B3GALT1: variants seen among roughly 807,000 people sequenced by gnomAD.
B3GALT1 encodes beta-1,3-galactosyltransferase 1, also known as UDP-Gal:betaGlcNAc beta 1,3-galactosyltransferase, polypeptide 1.
B3GALT1 carries 10 observed loss-of-function variants against 23.2 expected under a neutral mutation model. That is an observed-to-expected ratio of 0.43 (90% CI 0.27 to 0.73). The LOEUF (loss-of-function observed/expected upper bound fraction) is 0.73, where lower values mean the gene tolerates loss of function less well. Among genes scored for constraint, B3GALT1 ranks in the 30% least tolerant of loss-of-function variants. The pLI is 0.21. For synonymous variants in B3GALT1, 156 were observed against 141.5 expected (o/e 1.10, Z -0.73); for missense variants, 299 against 405.4 (o/e 0.74, Z 2.25).
At chr2:167,553,059 T>C (rs1333321843) in intron 2 of B3GALT1, among the ~76,000 whole-genome samples, 3 of 152,196 alleles carry the variant, frequency 2.0e-5, no homozygotes, top group Non-Finnish European at 2.9e-5. Context: ...TCATCAAATA[T>C]TTATTGTATC....
At chr2:167,479,843 A>G (rs1699536608) in intron 1 of B3GALT1, among the ~76,000 whole-genome samples, 3 of 152,100 alleles carry the variant, frequency 2.0e-5, no homozygotes, top group African/African-American at 7.2e-5. Context: ...CAAAAGGCTC[A>G]GAGGGTTAGA....
chr2:167,867,300 C>T (rs1690253699), intron 4 of B3GALT1, among the ~76,000 whole-genome samples: 1 of 151,996 alleles, frequency 6.6e-6, no homozygotes, highest in Non-Finnish European at 1.5e-5. Context: ...AAACTTGCTG[C>T]ACATCACATC....
At chr2:167,750,120 A>G (rs1371743210) in intron 3 of B3GALT1, among the ~76,000 whole-genome samples, 3 of 152,250 alleles carry the variant, frequency 2.0e-5, no homozygotes, top group Non-Finnish European at 4.4e-5. Flanking sequence ...TTTGATTTAC[A>G]TTAGAAATTT....
chr2:167,411,224 TAACAACAACAAC>T (rs141653413), intron 1 of B3GALT1, among the ~76,000 whole-genome samples: 4 of 150,618 alleles, frequency 2.7e-5, no homozygotes, highest in South Asian at 2.1e-4. Flanking sequence ...ATCTTCTGTA[TAACAACAACAAC>T]AACAACAACA....
At chr2:167,615,283 G>A (rs1685140988) in intron 2 of B3GALT1, among the ~76,000 whole-genome samples, 1 of 151,984 alleles carries the variant, frequency 6.6e-6, no homozygotes, top group Admixed American at 6.6e-5. Flanking sequence ...GCCAGACACA[G>A]AAAGACAAAT....
At chr2:167,516,936 G>A (rs1043794687) in intron 2 of B3GALT1, among the ~76,000 whole-genome samples, 1 of 121,084 alleles carries the variant, frequency 8.3e-6, no homozygotes, top group Non-Finnish European at 1.6e-5. Flanking sequence ...TGACATATAA[G>A]TACTTCTGTG....
intron 3 of B3GALT1, among the ~76,000 whole-genome samples, chr2:167,772,392 C>T (rs1341065239): frequency 6.6e-6 from 1 of 152,088 alleles, no homozygotes; most frequent in Non-Finnish European, 1.5e-5. Context: ...GTGCAATTAG[C>T]CTCCTTATTT....
intron 1 of B3GALT1, 133 bp from the exon 2 acceptor site, chr2:167,490,044 G>C (rs1174068013): frequency 6.6e-6 from 1 of 152,176 alleles, no homozygotes; most frequent in Non-Finnish European, 1.5e-5. Context: ...ATTGTTTTGT[G>C]CAGAATAATT....
chr2:167,653,482 T>A (rs1456044176), intron 3 of B3GALT1, among the ~76,000 whole-genome samples: 1 of 152,162 alleles, frequency 6.6e-6, no homozygotes, highest in African/African-American at 2.4e-5. Context: ...GAGAACCTGC[T>A]TGAGCTGCCA....
At position 167,594,862 on chromosome 2, in the gene B3GALT1, C is replaced by A. The variant is rs573356652; in HGVS notation, c.-409-52047C>A. Among the ~76,000 whole-genome samples the A allele has an allele frequency of 3.9e-5, 6 of 151,952 alleles. No individual in the cohort carries two copies. The South Asian group carries it at 6.3e-4, about 16-fold the overall frequency. On this transcript the variant is annotated intron_variant, in intron 2 of 4. Coordinates refer to ENST00000392690, the MANE Select transcript of B3GALT1 (RefSeq NM_020981.4). ...TGGAGGTTGCAATCAGCCAAGATTG[C>A]GTGACTGCACTCTAGCCCAGGTGAA...
Position 167,713,615 on chromosome 2 carries a change from A to C in B3GALT1, c.-352+66649A>C. 3.8e-6 allele frequency: 4 copies of C among 1,064,950 alleles called. No individual in the cohort carries two copies. The East Asian group carries it at 9.5e-5, about 25-fold the overall frequency. The allele number at this position is 1,064,950 out of a possible 1,614,324, so 66.0% of individuals were successfully genotyped here. On this transcript the variant is annotated intron_variant, in intron 3 of 4. Coordinates refer to ENST00000392690, the MANE Select transcript of B3GALT1 (RefSeq NM_020981.4). ...ACAGCAGTTACTTAAACTGAAAATGAGATCAGTCAAAGTTGCTTTTGAAGA... is the reference window on the plus strand; with the variant it reads ...ACAGCAGTTACTTAAACTGAAAATGCGATCAGTCAAAGTTGCTTTTGAAGA...
intron 1 of B3GALT1, among the ~76,000 whole-genome samples, chr2:167,479,271 A>C (rs751069697): frequency 1.1e-4 from 17 of 152,158 alleles, no homozygotes; most frequent in Non-Finnish European, 2.5e-4. Context: ...AATGTTCAGT[A>C]ATATTAGCAT....
chr2:167,337,750 C>A (rs1160910883), intron 1 of B3GALT1, among the ~76,000 whole-genome samples: 1 of 152,076 alleles, frequency 6.6e-6, no homozygotes, highest in Admixed American at 6.6e-5. Flanking sequence ...AACTAATATC[C>A]CTTTGTATCC....
chr2:167,816,606 TGCTTCATATTAAG>T (rs1344577574), intron 3 of B3GALT1, among the ~76,000 whole-genome samples: 26 of 152,240 alleles, frequency 1.7e-4, no homozygotes, highest in African/African-American at 5.8e-4. Context: ...TTATAGAAGA[TGCTTCATATTAAG>T]GCTTCATATA....
rs887918685 is a variant in B3GALT1, at chr2:167,344,758, C to T, written c.-511+51424C>T. On this transcript the variant is annotated intron_variant, in intron 1 of 4. Coordinates refer to ENST00000392690, the MANE Select transcript of B3GALT1 (RefSeq NM_020981.4). ...ATAAACACAAAAGTTTACATCTCAT[C>T]CCATTTGGTAAAAAATACAAATGAA... Among the ~76,000 whole-genome samples the T allele has an allele frequency of 2.0e-5, 3 of 152,154 alleles. No individual in the cohort carries two copies. In the East Asian group the frequency reaches 5.8e-4, roughly 29 times the overall value.
chr2:167,545,945 A>G (rs1366447615), intron 2 of B3GALT1, among the ~76,000 whole-genome samples: 2 of 152,168 alleles, frequency 1.3e-5, no homozygotes, highest in African/African-American at 4.8e-5. Flanking sequence ...AAATTCATTT[A>G]TGTTTCATAT....
chr2:167,644,779 TAAAAAAA>T (rs199652424), intron 2 of B3GALT1, among the ~76,000 whole-genome samples: 6 of 91,170 alleles, frequency 6.6e-5, no homozygotes, highest in Non-Finnish European at 1.3e-4. Context: ...GACTCTGTCT[TAAAAAAA>T]AAAAAAAAAA....
At chr2:167,758,553 C>T (rs1164217113) in intron 3 of B3GALT1, among the ~76,000 whole-genome samples, 1 of 152,152 alleles carries the variant, frequency 6.6e-6, no homozygotes, top group Non-Finnish European at 1.5e-5. Context: ...GTGACTCCGG[C>T]CTCCTCTTTG....
At chr2:167,689,558 G>A (rs1338945281) in intron 3 of B3GALT1, among the ~76,000 whole-genome samples, 4 of 152,092 alleles carry the variant, frequency 2.6e-5, no homozygotes. Context: ...GTGAAGGACT[G>A]ATCACCTTAA....
Sources: gnomAD v4.1 joint callset for allele counts (sites outside exome capture counted in the v4.1 genomes callset) on GRCh38, gnomAD v4.1.1 for gene constraint, MANE v1.5 for transcripts, NCBI Gene and HGNC (gene_info 2026-07-23, HGNC 2026-07-21) for gene names.